Variants in SINHCAF observed in about 807,000 individuals in gnomAD.
The protein encoded by SINHCAF is SIN3-HDAC complex associated factor, also known as SIN3-HDAC complex-associated factor.
In SINHCAF, 3 loss-of-function variants were observed where a neutral mutation model predicts 25.8. The ratio of observed to expected loss-of-function variants is 0.12; its 90% CI spans 0.05 to 0.30. The LOEUF (loss-of-function observed/expected upper bound fraction) is 0.30, where lower values mean the gene tolerates loss of function less well. SINHCAF is among the 10% of genes least tolerant of loss of function. The pLI is 1.00. For missense variants in SINHCAF, 121 were observed against 262.3 expected (o/e 0.46, Z 3.72); for synonymous variants, 70 against 85.5 (o/e 0.82, Z 1.00).
chr12:31,301,505 C>T (rs1161331855), intron 1 of SINHCAF, among the ~76,000 whole-genome samples: 1 of 152,176 alleles, frequency 6.6e-6, no homozygotes, highest in Non-Finnish European at 1.5e-5. Flanking sequence ...ATGCAACACA[C>T]AAGGAGCATG....
intron 4 of SINHCAF, among the ~76,000 whole-genome samples, chr12:31,288,423 G>C (rs1938163746): frequency 6.6e-6 from 1 of 152,258 alleles, no homozygotes; most frequent in Non-Finnish European, 1.5e-5. Flanking sequence ...GACTTAGGAA[G>C]CACCCCAACA....
At chr12:31,297,463 C>T (rs911179696) in intron 2 of SINHCAF, among the ~76,000 whole-genome samples, 14 of 138,212 alleles carry the variant, frequency 1.0e-4, no homozygotes, top group African/African-American at 2.2e-4. Flanking sequence ...CCCGGTCAAG[C>T]GTAATTTTTT....
At chr12:31,322,466 T>G (rs953207458) in intron 1 of SINHCAF, among the ~76,000 whole-genome samples, 2 of 152,232 alleles carry the variant, frequency 1.3e-5, no homozygotes, top group African/African-American at 4.8e-5. Flanking sequence ...CTTGACATGC[T>G]CTTTCTATTT....
At chr12:31,315,950 G>C (rs986273503) in intron 1 of SINHCAF, among the ~76,000 whole-genome samples, 2 of 152,162 alleles carry the variant, frequency 1.3e-5, no homozygotes, top group African/African-American at 4.8e-5. Flanking sequence ...TGGATCACCT[G>C]AGGTCAGGAG....
intron 5 of SINHCAF, 75 bp from the exon 6 acceptor site, chr12:31,282,946 T>G: frequency 2.7e-6 from 3 of 1,120,984 alleles, no homozygotes; most frequent in Middle Eastern, 2.1e-4. Context: ...CTACTCACTA[T>G]TATAACTAGT....
intron 5 of SINHCAF, among the ~76,000 whole-genome samples, chr12:31,286,933 T>TTTG (rs1565488943): frequency 6.6e-6 from 1 of 151,666 alleles, no homozygotes; most frequent in African/African-American, 2.4e-5. Context: ...TTGTTTGTTT[T>TTTG]TTTAAATAGA....
chr12:31,318,445 T>C (rs1296774101), intron 1 of SINHCAF, among the ~76,000 whole-genome samples: 2 of 152,202 alleles, frequency 1.3e-5, no homozygotes, highest in African/African-American at 2.4e-5. Flanking sequence ...TGAGAAATTA[T>C]ATGGTAAAGC....
rs1939269219 is a variant in SINHCAF, at chr12:31,311,555, T to G, written c.-20-13331A>C. 1.1e-5 allele frequency: 3 copies of G among 272,154 alleles called. No individual in the cohort carries two copies. In the South Asian group the frequency reaches 1.3e-4, roughly 12 times the overall value. The allele number at this position is 272,154 out of a possible 1,614,324, so 16.9% of individuals were successfully genotyped here. On this transcript the variant is annotated intron_variant, in intron 1 of 5. Transcript: ENST00000337682. ...GCTGCTGGTACTGGAAGTGAACCAC[T>G]GGGACCGAGCATGAGCAAGCCAGTG...
At chr12:31,293,995 C>A in intron 3 of SINHCAF, 64 bp from the exon 4 acceptor site, 2 of 1,356,104 alleles carry the variant, frequency 1.5e-6, no homozygotes, top group South Asian at 1.5e-5. Flanking sequence ...CCCTTTGGTT[C>A]AGATCCGTGC....
chr12:31,315,960 G>GT (rs762750479), intron 1 of SINHCAF, among the ~76,000 whole-genome samples: 3 of 152,202 alleles, frequency 2.0e-5, no homozygotes, highest in Admixed American at 6.5e-5. Context: ...GAGGTCAGGA[G>GT]TTTGAGACCA....
intron 1 of SINHCAF, among the ~76,000 whole-genome samples, chr12:31,311,154 T>A (rs1307289420): frequency 6.6e-6 from 1 of 152,066 alleles, no homozygotes; most frequent in Non-Finnish European, 1.5e-5. Flanking sequence ...TCTATGATCT[T>A]TTGAAAAAAA....
chr12:31,307,635 C>T (rs892309573), intron 1 of SINHCAF, among the ~76,000 whole-genome samples: 2 of 151,886 alleles, frequency 1.3e-5, no homozygotes, highest in African/African-American at 4.8e-5. Flanking sequence ...AAAATTAAGA[C>T]CTAATAGGAA....
chr12:31,301,894 C>T (rs542982711), intron 1 of SINHCAF, among the ~76,000 whole-genome samples: 1 of 152,130 alleles, frequency 6.6e-6, no homozygotes, highest in East Asian at 1.9e-4. Context: ...TTTGTTTTTT[C>T]AAGCAATCTG....
chr12:31,323,446 C>A (rs1439289258), intron 1 of SINHCAF, among the ~76,000 whole-genome samples: 1 of 152,090 alleles, frequency 6.6e-6, no homozygotes, highest in Non-Finnish European at 1.5e-5. Flanking sequence ...CTTTTCTTAA[C>A]CCTCCTTAGG....
chr12:31,299,579 G>C (rs900946444), intron 1 of SINHCAF, among the ~76,000 whole-genome samples: 1 of 152,150 alleles, frequency 6.6e-6, no homozygotes, highest in African/African-American at 2.4e-5. Context: ...GCCTCCCAAA[G>C]TGCTGGGATT....
At chr12:31,285,159 G>A (rs1409681890) in intron 5 of SINHCAF, among the ~76,000 whole-genome samples, 4 of 151,892 alleles carry the variant, frequency 2.6e-5, no homozygotes, top group Non-Finnish European at 5.9e-5. Context: ...AGGCCAAGGC[G>A]AGCAGATCAC....
chr12:31,286,724 T>C (rs186626588), intron 5 of SINHCAF, among the ~76,000 whole-genome samples: 49 of 152,234 alleles, frequency 3.2e-4, no homozygotes, highest in Non-Finnish European at 5.7e-4. Flanking sequence ...TCGTCTCATG[T>C]TCAAACCAAT....
chr12:31,314,256 TG>T (rs746477179), intron 1 of SINHCAF, among the ~76,000 whole-genome samples: 13 of 151,882 alleles, frequency 8.6e-5, no homozygotes, highest in Non-Finnish European at 1.9e-4. Flanking sequence ...CAGGGCACAG[TG>T]GCTCACGCCT....
intron 1 of SINHCAF, among the ~76,000 whole-genome samples, chr12:31,318,515 T>C (rs1939579954): frequency 6.6e-6 from 1 of 152,176 alleles, no homozygotes; most frequent in South Asian, 2.1e-4. Context: ...AAACTCATCC[T>C]ATATAGGAAA....
Sources: gnomAD v4.1 joint callset for allele counts (sites outside exome capture counted in the v4.1 genomes callset) on GRCh38, gnomAD v4.1.1 for gene constraint, MANE v1.5 for transcripts, NCBI Gene and HGNC (gene_info 2026-07-23, HGNC 2026-07-21) for gene names.